SEMA3C: variants seen among roughly 807,000 people sequenced by gnomAD.
SEMA3C encodes the protein semaphorin-3C.
A neutral mutation model predicts 89.4 loss-of-function variants in SEMA3C; 47 were observed. The observed-to-expected ratio is 0.53, with a 90% CI of 0.42 to 0.67. The LOEUF is 0.67. Ranked by LOEUF, SEMA3C falls within the 30% of genes least tolerant of loss-of-function variation. The probability of loss-of-function intolerance (pLI) is 0.00; values close to 1 mark genes in which losing one functional copy is unlikely to be tolerated. For missense variants in SEMA3C, 839 were observed against 929.1 expected (o/e 0.90, Z 1.26); for synonymous variants, 310 against 320.2 (o/e 0.97, Z 0.34).
intron 12 of SEMA3C, among the ~76,000 whole-genome samples, chr7:80,780,381 C>G (rs1294159661): frequency 1.3e-5 from 2 of 152,208 alleles, no homozygotes; most frequent in South Asian, 4.1e-4. Context: ...TTATTCTATA[C>G]TGGTTGAGAA....
intron 2 of SEMA3C, among the ~76,000 whole-genome samples, chr7:80,878,518 G>A (rs951553049): frequency 8.5e-5 from 13 of 152,200 alleles, no homozygotes; most frequent in Admixed American, 8.5e-4. Context: ...GGTGGTGAGA[G>A]AGGAAGTTAG....
chr7:80,913,294 G>A (rs571270647), intron 2 of SEMA3C, among the ~76,000 whole-genome samples: 12 of 152,130 alleles, frequency 7.9e-5, no homozygotes, highest in East Asian at 1.9e-4. Flanking sequence ...CCAGCTACTC[G>A]GGAGGCTGAG....
intron 11 of SEMA3C, among the ~76,000 whole-genome samples, chr7:80,790,399 T>C (rs1019346509): frequency 7.9e-5 from 12 of 151,906 alleles, no homozygotes; most frequent in East Asian, 7.8e-4. Flanking sequence ...ACAGCTTAGA[T>C]TGGATGTGTT....
intron 16 of SEMA3C, 98 bp downstream of exon 16, chr7:80,751,170 GT>G: frequency 2.1e-6 from 2 of 965,522 alleles, no homozygotes; most frequent in Non-Finnish European, 3.2e-6. Context: ...ATTTTTGAAA[GT>G]GAAACGCCTG....
At chr7:80,826,278 C>T (rs1202125076) in intron 4 of SEMA3C, among the ~76,000 whole-genome samples, 1 of 152,148 alleles carries the variant, frequency 6.6e-6, no homozygotes, top group African/African-American at 2.4e-5. Context: ...GCAGTCTTCA[C>T]TCCTGAAATC....
At chr7:80,819,001 GAAAAACACA>G (rs1789680897) in intron 4 of SEMA3C, among the ~76,000 whole-genome samples, 1 of 152,096 alleles carries the variant, frequency 6.6e-6, no homozygotes, top group Non-Finnish European at 1.5e-5. Context: ...TCCTTACTGA[GAAAAACACA>G]AAAATCTCTA....
upstream of SEMA3C, chr7:80,922,324 C>T: frequency 7.8e-7 from 1 of 1,278,564 alleles, no homozygotes; most frequent in Non-Finnish European, 1.0e-6. Flanking sequence ...CTTCACTCAA[C>T]TTCCATATGC....
intron 2 of SEMA3C, among the ~76,000 whole-genome samples, chr7:80,913,248 A>G (rs1792194391): frequency 1.3e-5 from 2 of 152,112 alleles, no homozygotes; most frequent in Non-Finnish European, 2.9e-5. Context: ...TAAAAGTACA[A>G]AAATTAGCTG....
chr7:80,790,296 A>C (rs1336949946), intron 11 of SEMA3C, among the ~76,000 whole-genome samples: 2 of 151,982 alleles, frequency 1.3e-5, no homozygotes, highest in African/African-American at 4.8e-5. Context: ...TAAAAAAAGG[A>C]AGAAGAAGAG....
chr7:80,817,492 T>C (rs909216166), intron 5 of SEMA3C, among the ~76,000 whole-genome samples: 1 of 152,192 alleles, frequency 6.6e-6, no homozygotes, highest in South Asian at 2.1e-4. Context: ...AACAACATGT[T>C]TGACTAAAAG....
intron 2 of SEMA3C, among the ~76,000 whole-genome samples, chr7:80,854,343 G>A (rs185380738): frequency 1.4e-4 from 22 of 152,246 alleles, no homozygotes; most frequent in East Asian, 1.2e-3. Context: ...GGGGAGGCTC[G>A]CTGTTCCTTT....
At chr7:80,770,319 A>G (rs947226649) in intron 12 of SEMA3C, among the ~76,000 whole-genome samples, 1 of 152,218 alleles carries the variant, frequency 6.6e-6, no homozygotes, top group African/African-American at 2.4e-5. Context: ...GAAGATGATA[A>G]TATACTTATC....
At chr7:80,892,569 A>C (rs1403316386) in intron 2 of SEMA3C, among the ~76,000 whole-genome samples, 1 of 152,130 alleles carries the variant, frequency 6.6e-6, no homozygotes, top group Non-Finnish European at 1.5e-5. Context: ...CAACAACAAC[A>C]ATGTAGAGTA....
At chr7:80,874,356 T>A (rs900292828) in intron 2 of SEMA3C, among the ~76,000 whole-genome samples, 2 of 152,344 alleles carry the variant, frequency 1.3e-5, no homozygotes, top group Admixed American at 1.3e-4. Flanking sequence ...TGAGAAATTA[T>A]CAGAATTATA....
intron 2 of SEMA3C, among the ~76,000 whole-genome samples, chr7:80,838,409 G>C (rs1790184572): frequency 6.6e-6 from 1 of 151,994 alleles, no homozygotes; most frequent in Non-Finnish European, 1.5e-5. Context: ...TATTGTTGTG[G>C]GATATCTGTA....
intron 2 of SEMA3C, among the ~76,000 whole-genome samples, chr7:80,842,029 T>C (rs554952147): frequency 6.6e-6 from 1 of 152,264 alleles, no homozygotes; most frequent in Middle Eastern, 3.4e-3. Flanking sequence ...TCCTTTTTTC[T>C]TGTCTCTCTC....
intron 2 of SEMA3C, among the ~76,000 whole-genome samples, chr7:80,849,667 A>G (rs1013126722): frequency 6.6e-6 from 1 of 152,186 alleles, no homozygotes; most frequent in African/African-American, 2.4e-5. Context: ...AGTCTATCAG[A>G]AGTTTAAGTA....
intron 16 of SEMA3C, 25 bp from the exon 17 acceptor site, chr7:80,749,053 G>A: frequency 1.3e-6 from 2 of 1,578,298 alleles, no homozygotes; most frequent in Non-Finnish European, 1.7e-6. Flanking sequence ...TAAAAGGCGA[G>A]AGAGAAAGAA....
intron 4 of SEMA3C, among the ~76,000 whole-genome samples, chr7:80,818,946 CTGATTA>C (rs1789679210): frequency 6.6e-6 from 1 of 152,184 alleles, no homozygotes; most frequent in African/African-American, 2.4e-5. Context: ...CAAACATTTA[CTGATTA>C]CCTACTATTT....
Sources: allele counts gnomAD v4.1 joint callset (sites outside exome capture counted in the v4.1 genomes callset), GRCh38; gene constraint gnomAD v4.1.1; transcripts MANE v1.5; gene names NCBI Gene and HGNC (gene_info 2026-07-23, HGNC 2026-07-21).